ADGRB1: variants seen among roughly 807,000 people sequenced by gnomAD.
ADGRB1 encodes the protein adhesion G protein-coupled receptor B1.
ADGRB1 carries 36 observed loss-of-function variants against 175.7 expected under a neutral mutation model. The observed-to-expected ratio is 0.20, with a 90% confidence interval of 0.16 to 0.27. The LOEUF (loss-of-function observed/expected upper bound fraction) is 0.27, where lower values mean the gene tolerates loss of function less well. Ranked by LOEUF, ADGRB1 falls within the 10% of genes least tolerant of loss-of-function variation. The probability of loss-of-function intolerance (pLI) is 1.00; values close to 1 mark genes in which losing one functional copy is unlikely to be tolerated. For synonymous variants in ADGRB1, 1,054 were observed against 979.4 expected (o/e 1.08, Z -1.42); for missense variants, 1,731 against 2,255.3 (o/e 0.77, Z 4.71).
At chr8:142,526,315 C>T (rs554150420) in intron 23 of ADGRB1, among the ~76,000 whole-genome samples, 4 of 152,132 alleles carry the variant, frequency 2.6e-5, no homozygotes, top group African/African-American at 4.8e-5. Flanking sequence ...GCAGAGGTGC[C>T]GACGGTGCGG....
At position 142,537,391 on chromosome 8, in the gene ADGRB1, C is replaced by G. The variant is rs1224723020; in HGVS notation, c.3666+309C>G. 6.6e-6 allele frequency among the ~76,000 whole-genome samples: 1 copy of G among 152,054 alleles called. No individual in the cohort carries two copies. ...ACACCACCCTCTGAGCATCCCAGCC[C>G]TCAACTCAAGGTCCCCATCCTTACA... On this transcript the variant is annotated intron_variant, in intron 26 of 30. Transcript: ENST00000517894. This position sits in a 1 kb window ranked among gnomAD's most constrained non-coding sequence, Gnocchi z 4.6.
intron 2 of ADGRB1, 46 bp downstream of exon 2, chr8:142,465,028 CAG>C (rs762487566): frequency 2.2e-5 from 18 of 835,298 alleles, no homozygotes; most frequent in African/African-American, 9.0e-5. Context: ...GGTGGGCAGA[CAG>C]GGGAGGCGGG....
intron 17 of ADGRB1, among the ~76,000 whole-genome samples, chr8:142,496,387 A>G (rs2131923581): frequency 6.7e-6 from 1 of 150,360 alleles, no homozygotes; most frequent in South Asian, 2.1e-4. Context: ...TGTGTGGGTG[A>G]CTGGATGTGT....
chr8:142,542,564 G>A lies in ADGRB1; in HGVS notation c.4330G>A (p.Glu1444Lys). ...PAPPSLGDPGEPAAHPGPSTG... is the reference protein window; with the variant it reads ...PAPPSLGDPGKPAAHPGPSTG... ...ACCCCCCAGCCTGGGGGATCCCGGG[G>A]AGCCTGCCGCCCATCCGGGACCCAG... The change falls in exon 28 of 31, where the codon GAG becomes AAG. Residue 1444 changes from glutamate to lysine, a missense_variant. Glu to Lys is a moderately conservative substitution (Grantham distance 56, BLOSUM62 1). Coordinates refer to ENST00000517894, the MANE Select transcript of ADGRB1 (RefSeq NM_001702.3). The surrounding 1 kb of genome is among the most constrained non-coding windows in gnomAD (Gnocchi z 6.3). 1 of 1,529,468 alleles carries A rather than the reference G, an allele frequency of 6.5e-7. No homozygotes were observed. The highest frequency in any genetic ancestry group is 8.8e-7 in the Non-Finnish European group (1 of 1,138,646). 94.7% of individuals were successfully genotyped at this position (1,529,468 alleles called of 1,614,324 possible). A position where few individuals can be genotyped will look rare whatever the true frequency, so the allele number is the denominator to read the frequency against.
intron 6 of ADGRB1, 101 bp downstream of exon 6, chr8:142,477,650 G>C (rs1266217251): frequency 2.9e-5 from 41 of 1,427,718 alleles, no homozygotes; most frequent in Non-Finnish European, 3.8e-5. Context: ...GCCCACTCCA[G>C]ACCCACCTCA....
chr8:142,479,513 G>T, intron 8 of ADGRB1, 26 bp downstream of exon 8: 1 of 1,525,664 alleles, frequency 6.6e-7, no homozygotes, highest in Non-Finnish European at 8.8e-7. Flanking sequence ...CCTGGGCTGG[G>T]CTCTGGGGAG....
chr8:142,511,057 A>G lies in ADGRB1; in HGVS notation c.2801A>G (p.Gln934Arg). Reference protein sequence around the residue: ...DRLSTFAILAQLSADANMEKA... With the variant: ...DRLSTFAILARLSADANMEKA... ...CTCTCCACCTTCGCCATCTTAGCCC[A>G]GCTCAGCGCCGACGCGGTGAGACCC... The change falls in exon 18 of 31, where the codon CAG (glutamine) becomes CGG (arginine). Residue 934 changes from glutamine to arginine, a missense_variant. This residue lies in a region of ADGRB1 where 77 missense variants were observed against 71.6 expected (regional missense o/e 1.08). Transcript: ENST00000517894. This position sits in a 1 kb window ranked among gnomAD's most constrained non-coding sequence, Gnocchi z 4.5. 8.1e-7 allele frequency: 1 copy of G among 1,229,006 alleles called. No individual in the cohort carries two copies. The allele number at this position is 1,229,006 out of a possible 1,614,324, so 76.1% of individuals were successfully genotyped here.
chr8:142,543,516 C>T lies in ADGRB1; in HGVS notation c.4449+78C>T, dbSNP rs893578811. On this transcript the variant is annotated intron_variant, in intron 29 of 30. Coordinates refer to ENST00000517894, the MANE Select transcript of ADGRB1 (RefSeq NM_001702.3). The surrounding 1 kb of genome is among the most constrained non-coding windows in gnomAD (Gnocchi z 4.4). ...GCTCCCACACGGCCAGGCAGCTCCC[C>T]GGCAGCCAGGGGACGGGCGGGGCAG... 6.9e-6 allele frequency: 11 copies of T among 1,604,928 alleles called. No homozygotes were observed. In the African/African-American group the frequency reaches 1.1e-4, roughly 16 times the overall value.
At chr8:142,453,828 T>C (rs12682623) in intron 1 of ADGRB1, among the ~76,000 whole-genome samples, 25,203 of 152,154 alleles carry the variant, frequency 0.17, 2,769 homozygotes, top group African/African-American at 0.3. Context: ...AAGTGGGGCT[T>C]ACCCAGGAGG....
Position 142,541,984 on chromosome 8 carries a change from G to T in ADGRB1, c.3750G>T (p.Thr1250=). 1 of 1,582,174 alleles carries T rather than the reference G, an allele frequency of 6.3e-7. No homozygotes were observed. The highest frequency in any genetic ancestry group is 2.3e-5 in the East Asian group (1 of 42,626). Reference sequence around the variant, plus strand: ...CGGCCTGCCGCACTGCCACCATCACGGGCACACTGAAGCGGCCGTCTCTGC... The same window carrying T: ...CGGCCTGCCGCACTGCCACCATCACTGGCACACTGAAGCGGCCGTCTCTGC... ...DIAACRTATI[T]GTLKRPSLPE... Residue 1250 remains threonine (T), a synonymous_variant, in exon 28 of 31, where the codon ACG becomes ACT. Coordinates refer to ENST00000517894, the MANE Select transcript of ADGRB1 (RefSeq NM_001702.3).
intron 17 of ADGRB1, among the ~76,000 whole-genome samples, chr8:142,499,550 C>T (rs1587351618): frequency 6.6e-6 from 1 of 152,186 alleles, no homozygotes; most frequent in African/African-American, 2.4e-5. Context: ...AGCTGGAGTC[C>T]ACGCCAGGCC....
At position 142,475,532 on chromosome 8, in the gene ADGRB1, C is replaced by T; in HGVS notation, c.843C>T (p.Leu281=). The change falls in exon 3 of 31, where the codon CTC becomes CTT. Residue 281 remains leucine (L), a synonymous_variant. Coordinates refer to ENST00000517894, the MANE Select transcript of ADGRB1 (RefSeq NM_001702.3). The stretch of plus-strand genomic sequence containing the variant: ...GCACGCGGGACTGCGGGGGAGGCCT[C>T]CAGACGCGGACGCGCACCTGCCTGC... ...GECTRDCGGG[L]QTRTRTCLPA... is the part of the protein sequence containing the mutation. 2.3e-6 allele frequency: 3 copies of T among 1,291,940 alleles called. No homozygotes were observed. The highest frequency in any genetic ancestry group is 3.3e-5 in the South Asian group (1 of 29,996). 80.0% of individuals were successfully genotyped at this position (1,291,940 alleles called of 1,614,324 possible).
rs550359400 is a variant in ADGRB1, at chr8:142,493,104, C to T, written c.2675+2289C>T. ...CCCTGGGGATCAGTCCCCAGGCAGT[C>T]TTGTCAGGTGGAGGGTGTGGGCCCC... On this transcript the variant is annotated intron_variant, in intron 17 of 30. Transcript: ENST00000517894. This position sits in a 1 kb window ranked among gnomAD's most constrained non-coding sequence, Gnocchi z 5.0. 2.0e-5 allele frequency among the ~76,000 whole-genome samples: 3 copies of T among 151,934 alleles called. No individual in the cohort carries two copies. The highest frequency in any genetic ancestry group is 4.4e-5 in the Non-Finnish European group (3 of 67,954).
chr8:142,509,543 C>T (rs1842978222), intron 17 of ADGRB1, among the ~76,000 whole-genome samples: 1 of 151,068 alleles, frequency 6.6e-6, no homozygotes, highest in African/African-American at 2.4e-5. Flanking sequence ...CTAGCCTCAG[C>T]CCCCGTTGGT....
rs558568230 is a variant in ADGRB1 at position 142,497,747 on chromosome 8, G to A, written c.2675+6932G>A. ...TTCCCGGGTACCCCTTTCTCTGAAT[G>A]TCCTCTTGGTTGGTCCTTGGGTAGG... On this transcript the variant is annotated intron_variant, in intron 17 of 30. Coordinates refer to ENST00000517894, the MANE Select transcript of ADGRB1 (RefSeq NM_001702.3). Among the ~76,000 whole-genome samples the A allele has an allele frequency of 5.3e-5, 8 of 152,362 alleles. No homozygotes were observed. In the South Asian group the frequency reaches 1.7e-3, roughly 32 times the overall value.
Position 142,477,413 on chromosome 8 carries a change from C to T in ADGRB1, c.1251C>T (p.Pro417=). 6.2e-7 allele frequency: 1 copy of T among 1,610,220 alleles called. No homozygotes were observed. Among genetic ancestry groups the T allele is most frequent in the Non-Finnish European group, 8.5e-7 (1 of 1,179,724 alleles). The change falls in exon 6 of 31, where the codon CCC becomes CCT. Residue 417 remains proline, a synonymous_variant. Transcript: ENST00000517894. ...PVHGAWDEWS[P]WSLCSSTCGR... is the part of the protein sequence containing the mutation. ...ATGGTGCCTGGGATGAGTGGTCGCC[C>T]TGGAGCCTCTGCTCCAGCACCTGTG...
Position 142,542,656 on chromosome 8 carries a change from G to A in ADGRB1, c.4413+9G>A. Reference sequence around the variant, plus strand: ...CTGTGAGCTCCCTGGAGGTGAGGGGGGCAGGGGTGGGCCACACCCCAGCCA... The same window carrying A: ...CTGTGAGCTCCCTGGAGGTGAGGGGAGCAGGGGTGGGCCACACCCCAGCCA... On this transcript the variant is annotated intron_variant, in intron 28 of 30. Coordinates refer to ENST00000517894, the MANE Select transcript of ADGRB1 (RefSeq NM_001702.3). The surrounding 1 kb of genome is among the most constrained non-coding windows in gnomAD (Gnocchi z 6.3). The A allele has an allele frequency of 1.9e-6, 3 of 1,538,976 alleles. No homozygotes were observed. Among genetic ancestry groups the A allele is most frequent in the Non-Finnish European group, 1.8e-6 (2 of 1,142,116 alleles).
At chr8:142,539,279 A>G (rs772128454) in intron 26 of ADGRB1, 95 bp from the exon 27 acceptor site, 51 of 1,304,758 alleles carry the variant, frequency 3.9e-5, no homozygotes, top group Non-Finnish European at 4.9e-5. Context: ...TCGGGGCAGC[A>G]GGAGCACCGT....
At chr8:142,539,742 C>T (rs1166291118) in intron 27 of ADGRB1, 4 of 483,622 alleles carry the variant, frequency 8.3e-6, no homozygotes, top group East Asian at 3.6e-5. Flanking sequence ...CTTCCTCTGT[C>T]GTGGCCCCAG....
Sources: allele counts gnomAD v4.1 joint callset (sites outside exome capture counted in the v4.1 genomes callset), GRCh38; gene constraint gnomAD v4.1.1; regional missense constraint gnomAD v4.1.1; non-coding constraint Gnocchi (gnomAD v3.1); transcripts MANE v1.5; gene names NCBI Gene and HGNC (gene_info 2026-07-23, HGNC 2026-07-21).